Variants in CLPX observed in about 807,000 individuals in gnomAD.
CLPX encodes the protein caseinolytic mitochondrial matrix peptidase chaperone subunit X.
In CLPX, 34 loss-of-function variants were observed where a neutral mutation model predicts 76.4. That is an observed-to-expected ratio of 0.45 (90% CI 0.34 to 0.59). The LOEUF is 0.59. Among genes scored for constraint, CLPX ranks in the 20% least tolerant of loss-of-function variants. The pLI is 0.01. For missense variants in CLPX, 613 were observed against 757.0 expected (o/e 0.81, Z 2.23); for synonymous variants, 248 against 270.9 (o/e 0.92, Z 0.83).
intron 3 of CLPX, among the ~76,000 whole-genome samples, chr15:65,177,297 G>T (rs1372968000): frequency 1.3e-5 from 2 of 152,054 alleles, no homozygotes. Flanking sequence ...TCAAGCTCCT[G>T]ACCTCAAGTG....
At chr15:65,178,832 T>G (rs2088124093) in intron 3 of CLPX, 102 bp downstream of exon 3, 2 of 582,892 alleles carry the variant, frequency 3.4e-6, no homozygotes, top group African/African-American at 3.8e-5. Context: ...CGTTTGCACC[T>G]GGCCTATATT....
rs1247916303 is a variant in CLPX, at chr15:65,150,852, G to A, written c.1873C>T (p.Pro625Ser). The change falls in exon 14 of 14, where the codon CCC becomes TCC. Residue 625 changes from proline to serine, a missense_variant. Pro to Ser is a moderately conservative substitution (Grantham distance 74). This residue lies in a region of CLPX where 450 missense variants were observed against 638.6 expected (regional missense o/e 0.70). Transcript: ENST00000300107. ...CTGTTTGCAGCATCTGCTTGGCGGG[G>A]CCATCCTTCTTCTTCAACTCCAGAG... ...YDSGVEEEGWPRQADAANS is the reference protein window; with the variant it reads ...YDSGVEEEGWSRQADAANS 6.2e-7 allele frequency: 1 copy of A among 1,612,914 alleles called. No homozygotes were observed. Among genetic ancestry groups the A allele is most frequent in the Non-Finnish European group, 8.5e-7 (1 of 1,179,284 alleles).
intron 12 of CLPX, among the ~76,000 whole-genome samples, 169 bp from the exon 13 acceptor site, chr15:65,152,705 A>G: frequency 6.7e-6 from 1 of 149,058 alleles, no homozygotes; most frequent in Middle Eastern, 3.6e-3. Flanking sequence ...AAACATATAT[A>G]TATATATATT....
chr15:65,155,703 T>G lies in CLPX; in HGVS notation c.1300A>C (p.Lys434Gln). 6.2e-7 allele frequency: 1 copy of G among 1,611,050 alleles called. No homozygotes were observed. The highest frequency in any genetic ancestry group is 8.5e-7 in the Non-Finnish European group (1 of 1,178,650). The change falls in exon 10 of 14, where the codon AAA becomes CAA. Residue 434 changes from lysine (K) to glutamine (Q), a missense_variant. Around this residue, in one of 2 missense-constraint regions of CLPX, gnomAD observed 450 missense variants for 638.6 expected, o/e 0.70. Coordinates refer to ENST00000300107, the MANE Select transcript of CLPX (RefSeq NM_006660.5). Reference protein sequence around the residue: ...NGLDRIISRRKNEKYLGFGTP... With the variant: ...NGLDRIISRRQNEKYLGFGTP... ...TCAGAAAAACTTACCTTTTCATTTT[T>G]CCTCCTGCTGATGATTCTGTCTAAA...
intron 3 of CLPX, among the ~76,000 whole-genome samples, chr15:65,169,623 G>A (rs1451966679): frequency 6.6e-6 from 1 of 152,108 alleles, no homozygotes; most frequent in Non-Finnish European, 1.5e-5. Context: ...GGCTGAGGCA[G>A]GAGAACTGCT....
chr15:65,163,233 C>T (rs2087873728), intron 5 of CLPX, among the ~76,000 whole-genome samples: 1 of 152,044 alleles, frequency 6.6e-6, no homozygotes, highest in African/African-American at 2.4e-5. Flanking sequence ...AAAAAGGTTC[C>T]AAGTCATCCG....
chr15:65,176,655 G>A (rs2088095044), intron 3 of CLPX, among the ~76,000 whole-genome samples: 1 of 150,680 alleles, frequency 6.6e-6, no homozygotes. Context: ...GAGTGCAGTG[G>A]TGTGATCTCG....
intron 3 of CLPX, among the ~76,000 whole-genome samples, chr15:65,172,267 C>A (rs768100872): frequency 6.6e-5 from 10 of 152,164 alleles, no homozygotes; most frequent in Non-Finnish European, 1.3e-4. Context: ...CTGGCCAATG[C>A]ATTTTTACTC....
chr15:65,156,988 C>T (rs889942552), intron 8 of CLPX, 56 bp from the exon 9 acceptor site: 3 of 1,178,110 alleles, frequency 2.5e-6, no homozygotes, highest in African/African-American at 3.1e-5. Context: ...ACAAGATAGC[C>T]TCAGCTTTAA....
At chr15:65,160,613 TCTCTCTCTCTCA>T (rs1179146657) in intron 6 of CLPX, among the ~76,000 whole-genome samples, 8 of 132,898 alleles carry the variant, frequency 6.0e-5, no homozygotes, top group Admixed American at 2.5e-4. Context: ...TCTCTCTCTC[TCTCTCTCTCTCA>T]CACACACACA....
At chr15:65,174,630 A>G (rs970621764) in intron 3 of CLPX, among the ~76,000 whole-genome samples, 1 of 152,196 alleles carries the variant, frequency 6.6e-6, no homozygotes, top group Non-Finnish European at 1.5e-5. Context: ...GATATCTCAA[A>G]TAAATTTTTA....
At chr15:65,171,595 A>G (rs2088008387) in intron 3 of CLPX, among the ~76,000 whole-genome samples, 1 of 152,264 alleles carries the variant, frequency 6.6e-6, no homozygotes, top group African/African-American at 2.4e-5. Context: ...CACAAGCCTA[A>G]GTAAATAATC....
intron 3 of CLPX, among the ~76,000 whole-genome samples, chr15:65,172,646 A>G (rs544451030): frequency 8.1e-4 from 124 of 152,310 alleles, no homozygotes; most frequent in Non-Finnish European, 7.5e-4. Flanking sequence ...GGAAAGAAAA[A>G]GAAAGACAAA....
chr15:65,175,688 C>T (rs1462784852), intron 3 of CLPX, among the ~76,000 whole-genome samples: 2 of 152,222 alleles, frequency 1.3e-5, no homozygotes, highest in Middle Eastern at 3.4e-3. Flanking sequence ...TTCCTTTAAG[C>T]GTCATGACGC....
At chr15:65,173,645 T>A (rs917635030) in intron 3 of CLPX, among the ~76,000 whole-genome samples, 5 of 152,182 alleles carry the variant, frequency 3.3e-5, no homozygotes, top group African/African-American at 7.2e-5. Flanking sequence ...AGAAACAATG[T>A]AAATGTCCAC....
At chr15:65,182,306 C>T (rs1036391069) in intron 1 of CLPX, among the ~76,000 whole-genome samples, 1 of 151,836 alleles carries the variant, frequency 6.6e-6, no homozygotes, top group Non-Finnish European at 1.5e-5. Context: ...TCTGGTGAAG[C>T]CTCTGAATAG....
intron 13 of CLPX, among the ~76,000 whole-genome samples, chr15:65,151,456 G>GAAAAAA (rs529752332): frequency 1.3e-5 from 1 of 74,590 alleles, no homozygotes; most frequent in Non-Finnish European, 2.4e-5. Context: ...ATTACTGGGA[G>GAAAAAA]AAAAAAAAAA....
rs1595937811 is a variant in CLPX, at chr15:65,158,059, G to A, written c.893-149C>T. On this transcript the variant is annotated intron_variant, in intron 7 of 13. Coordinates refer to ENST00000300107, the MANE Select transcript of CLPX (RefSeq NM_006660.5). ...CTGCTATTATTTTTTTTAGAGACAG[G>A]TTCTTGCTCTGTCACCCAGGCTGGA... is the stretch of plus-strand genomic sequence containing the variant. 4 of 627,320 alleles carry A rather than the reference G, an allele frequency of 6.4e-6. No homozygotes were observed. The East Asian group carries it at 1.3e-4, about 20-fold the overall frequency. The allele number at this position is 627,320 out of a possible 1,614,324, so 38.9% of individuals were successfully genotyped here.
At chr15:65,157,669 A>G (rs2087805870) in intron 8 of CLPX, 77 bp downstream of exon 8, 2 of 1,322,386 alleles carry the variant, frequency 1.5e-6, no homozygotes, top group African/African-American at 1.5e-5. Flanking sequence ...ACTCAAAACA[A>G]GAATTATATT....
Sources: gnomAD v4.1 joint callset for allele counts (sites outside exome capture counted in the v4.1 genomes callset) on GRCh38, gnomAD v4.1.1 for gene constraint, gnomAD v4.1.1 regional missense constraint, MANE v1.5 for transcripts, NCBI Gene and HGNC (gene_info 2026-07-23, HGNC 2026-07-21) for gene names.